The following FAF1 variants were observed in gnomAD, a reference collection of about 807,000 sequenced individuals.
The protein encoded by FAF1 is FAS-associated factor 1.
A neutral mutation model predicts 92.5 loss-of-function variants in FAF1; 25 were observed. The observed-to-expected ratio is 0.27, with a 90% CI of 0.20 to 0.38. FAF1 has a LOEUF of 0.38. Among genes scored for constraint, FAF1 ranks in the 10% least tolerant of loss-of-function variants. The pLI is 1.00. For synonymous variants in FAF1, 234 were observed against 273.2 expected (o/e 0.86, Z 1.42); for missense variants, 636 against 793.3 (o/e 0.80, Z 2.38).
chr1:50,885,994 C>T (rs1644659648), intron 1 of FAF1, among the ~76,000 whole-genome samples: 1 of 152,028 alleles, frequency 6.6e-6, no homozygotes, highest in African/African-American at 2.4e-5. Flanking sequence ...AACATCAGCC[C>T]CCCTCTTTTT....
chr1:50,841,245 T>C (rs1644253097), intron 2 of FAF1, among the ~76,000 whole-genome samples: 1 of 152,024 alleles, frequency 6.6e-6, no homozygotes, highest in East Asian at 1.9e-4. Context: ...CACATATATA[T>C]AAAATTTTGT....
intron 4 of FAF1, among the ~76,000 whole-genome samples, chr1:50,757,215 TATA>T (rs1239788555): frequency 6.6e-6 from 1 of 152,244 alleles, no homozygotes; most frequent in African/African-American, 2.4e-5. Context: ...CTTTTGCTGT[TATA>T]ATGAGGAGTA....
At chr1:50,455,735 G>A (rs1646343344) in intron 18 of FAF1, among the ~76,000 whole-genome samples, 1 of 152,184 alleles carries the variant, frequency 6.6e-6, no homozygotes, top group Non-Finnish European at 1.5e-5. Context: ...CAAGTGGCTA[G>A]AAGAATTAAA....
Position 50,463,368 on chromosome 1 carries a change from T to C in FAF1, c.1869+12096A>G, listed in dbSNP as rs116091456. ...AATTTTGCTTTGTATCCTTTTGCTG[T>C]AACAACTCATAACCACAAGTGTGAT... On this transcript the variant is annotated intron_variant, in intron 18 of 18. Transcript: ENST00000396153. 6.8e-3 allele frequency among the ~76,000 whole-genome samples: 1,038 copies of C among 152,308 alleles called. 15 individuals carry two copies. Among genetic ancestry groups the C allele is most frequent in the African/African-American group, 0.023 (948 of 41,562 alleles).
At chr1:50,824,279 C>G (rs1644072443) in intron 2 of FAF1, among the ~76,000 whole-genome samples, 1 of 152,094 alleles carries the variant, frequency 6.6e-6, no homozygotes. Flanking sequence ...AAGCCCAATT[C>G]AAGTCTCTCC....
chr1:50,564,339 G>A (rs932639915), intron 13 of FAF1, among the ~76,000 whole-genome samples: 1 of 151,342 alleles, frequency 6.6e-6, no homozygotes, highest in African/African-American at 2.4e-5. Flanking sequence ...GACGAGGCAA[G>A]CTATTAACCA....
chr1:50,487,244 T>C (rs1021629422), intron 17 of FAF1, among the ~76,000 whole-genome samples: 2 of 152,226 alleles, frequency 1.3e-5, no homozygotes, highest in African/African-American at 4.8e-5. Context: ...GATCTGATGT[T>C]ACGCACAAAG....
chr1:50,755,150 T>G (rs1313034828), intron 4 of FAF1, among the ~76,000 whole-genome samples: 3 of 151,972 alleles, frequency 2.0e-5, no homozygotes, highest in African/African-American at 7.3e-5. Context: ...AAGTCCACAG[T>G]CCAAATCTGA....
chr1:50,652,062 G>T (rs749843229), intron 8 of FAF1, among the ~76,000 whole-genome samples: 1 of 152,120 alleles, frequency 6.6e-6, no homozygotes, highest in Admixed American at 6.6e-5. Context: ...TGCCAATGCC[G>T]CAACATTTGC....
At chr1:50,510,390 C>T (rs1041784743) in intron 15 of FAF1, among the ~76,000 whole-genome samples, 1 of 151,966 alleles carries the variant, frequency 6.6e-6, no homozygotes, top group Non-Finnish European at 1.5e-5. Context: ...TAGGGAGGAC[C>T]TGGGGCAAAT....
intron 6 of FAF1, among the ~76,000 whole-genome samples, chr1:50,712,857 G>C (rs920793803): frequency 1.3e-5 from 2 of 151,694 alleles, no homozygotes; most frequent in African/African-American, 4.8e-5. Context: ...AGCCACCTTG[G>C]AGCAGTCTTT....
At chr1:50,849,186 G>A (rs1570048116) in intron 2 of FAF1, among the ~76,000 whole-genome samples, 3 of 151,602 alleles carry the variant, frequency 2.0e-5, no homozygotes, top group South Asian at 2.1e-4. Context: ...AGAATCGCTT[G>A]AACCCGGGAA....
At chr1:50,775,908 G>A (rs950851096) in intron 4 of FAF1, among the ~76,000 whole-genome samples, 1 of 151,912 alleles carries the variant, frequency 6.6e-6, no homozygotes, top group Non-Finnish European at 1.5e-5. Flanking sequence ...TGCCAACAGG[G>A]AAAACAGAGA....
At chr1:50,851,420 C>A (rs1381708601) in intron 2 of FAF1, among the ~76,000 whole-genome samples, 1 of 152,190 alleles carries the variant, frequency 6.6e-6, no homozygotes, top group Non-Finnish European at 1.5e-5. Flanking sequence ...GCAGCATATG[C>A]TACTTCTTTC....
At chr1:50,898,538 T>C (rs1644773423) in intron 1 of FAF1, among the ~76,000 whole-genome samples, 3 of 152,202 alleles carry the variant, frequency 2.0e-5, no homozygotes. Flanking sequence ...TATTCATATA[T>C]GAAAATATAG....
At chr1:50,476,608 T>G (rs1168263119) in intron 17 of FAF1, among the ~76,000 whole-genome samples, 1 of 152,218 alleles carries the variant, frequency 6.6e-6, no homozygotes, top group Non-Finnish European at 1.5e-5. Context: ...ACCTTTTTTG[T>G]CTAGAACCCT....
intron 17 of FAF1, among the ~76,000 whole-genome samples, chr1:50,476,547 A>G (rs771070157): frequency 1.3e-5 from 2 of 152,160 alleles, no homozygotes; most frequent in Non-Finnish European, 2.9e-5. Context: ...CATTAGAAGG[A>G]GATTGTCTCT....
chr1:50,626,296 G>T (rs1653494509), intron 8 of FAF1, among the ~76,000 whole-genome samples: 1 of 152,026 alleles, frequency 6.6e-6, no homozygotes, highest in African/African-American at 2.4e-5. Flanking sequence ...AAAGGGATTA[G>T]GTATGCAATA....
chr1:50,901,233 GA>G (rs941561188), intron 1 of FAF1, among the ~76,000 whole-genome samples: 2 of 152,068 alleles, frequency 1.3e-5, no homozygotes, highest in Admixed American at 6.6e-5. Flanking sequence ...ATTGTTCTCA[GA>G]AAAAGGCAAC....
Sources: gnomAD v4.1 joint callset for allele counts (sites outside exome capture counted in the v4.1 genomes callset) on GRCh38, gnomAD v4.1.1 for gene constraint, MANE v1.5 for transcripts, NCBI Gene and HGNC (gene_info 2026-07-23, HGNC 2026-07-21) for gene names.